Variants in RIMS1 observed in about 807,000 individuals in gnomAD.
RIMS1 encodes the protein regulating synaptic membrane exocytosis protein 1.
A neutral mutation model predicts 214.1 loss-of-function variants in RIMS1; 83 were observed. The ratio of observed to expected loss-of-function variants is 0.39; its 90% CI spans 0.32 to 0.47. The LOEUF is 0.47. Ranked by LOEUF, RIMS1 falls within the 20% of genes least tolerant of loss-of-function variation. RIMS1 has a pLI of 0.99. For missense variants in RIMS1, 2,050 were observed against 2,161.8 expected (o/e 0.95, Z 1.03); for synonymous variants, 793 against 786.8 (o/e 1.01, Z -0.13).
At chr6:72,331,774 G>A (rs565529203) in intron 28 of RIMS1, among the ~76,000 whole-genome samples, 1 of 151,902 alleles carries the variant, frequency 6.6e-6, no homozygotes, top group African/African-American at 2.4e-5. Flanking sequence ...TATCAGATTT[G>A]CAAATGACTT....
intron 1 of RIMS1, among the ~76,000 whole-genome samples, chr6:71,934,180 T>C (rs1163618153): frequency 2.0e-5 from 3 of 152,216 alleles, no homozygotes; most frequent in African/African-American, 7.2e-5. Flanking sequence ...AGCACTTTTA[T>C]ATCAGCTTGA....
chr6:72,298,135 A>G (rs1414888231), intron 26 of RIMS1, among the ~76,000 whole-genome samples: 3 of 151,974 alleles, frequency 2.0e-5, no homozygotes, highest in Non-Finnish European at 4.4e-5. Flanking sequence ...TAAGCAAACG[A>G]GGATGGTTGG....
intron 29 of RIMS1, among the ~76,000 whole-genome samples, chr6:72,374,305 G>T (rs1248852132): frequency 6.6e-6 from 1 of 152,180 alleles, no homozygotes; most frequent in African/African-American, 2.4e-5. Flanking sequence ...TTGGTCTTCA[G>T]ATACGCAACT....
intron 1 of RIMS1, among the ~76,000 whole-genome samples, chr6:71,906,848 A>G (rs1674375884): frequency 6.6e-6 from 1 of 152,200 alleles, no homozygotes; most frequent in Non-Finnish European, 1.5e-5. Context: ...ACATGTGGGC[A>G]ACATTAACAA....
At chr6:72,368,426 C>T (rs547084328) in intron 29 of RIMS1, among the ~76,000 whole-genome samples, 2 of 150,476 alleles carry the variant, frequency 1.3e-5, no homozygotes, top group South Asian at 2.1e-4. Flanking sequence ...CTCAGCCTCC[C>T]GAGTAGCTGG....
intron 1 of RIMS1, among the ~76,000 whole-genome samples, chr6:71,890,552 G>A (rs181403430): frequency 8.2e-6 from 1 of 122,600 alleles, no homozygotes; most frequent in Admixed American, 9.6e-5. Context: ...ATTAGATCTA[G>A]GATCTTACTC....
intron 29 of RIMS1, among the ~76,000 whole-genome samples, chr6:72,377,251 G>A (rs181643471): frequency 6.6e-6 from 1 of 152,238 alleles, no homozygotes; most frequent in East Asian, 1.9e-4. Flanking sequence ...CCTTGCGCAC[G>A]TGTTCAAGCT....
intron 4 of RIMS1, among the ~76,000 whole-genome samples, chr6:72,170,063 C>T (rs766043755): frequency 2.5e-4 from 38 of 152,200 alleles, no homozygotes; most frequent in Non-Finnish European, 4.1e-4. Flanking sequence ...ACGACCTGAA[C>T]CATCACTTAC....
At chr6:71,981,817 T>C (rs1009231431) in intron 2 of RIMS1, among the ~76,000 whole-genome samples, 1 of 152,244 alleles carries the variant, frequency 6.6e-6, no homozygotes, top group East Asian at 1.9e-4. Flanking sequence ...TTTTCATTTC[T>C]TTTGCCTTGT....
chr6:71,993,515 A>G lies in RIMS1; in HGVS notation c.245+24452A>G, dbSNP rs150684180. 2.2e-3 allele frequency among the ~76,000 whole-genome samples: 330 copies of G among 152,248 alleles called. 1 individual carries two copies. Among genetic ancestry groups the G allele is most frequent in the Middle Eastern group, 6.8e-3 (2 of 294 alleles). On this transcript the variant is annotated intron_variant, in intron 2 of 33. Coordinates refer to ENST00000521978, the MANE Select transcript of RIMS1 (RefSeq NM_014989.7). ...GCATCTTAAATTGGCCTAATTTTTAAATGGGAAGACTTCCTTGGTAGAAAT... is the reference window on the plus strand; with the variant it reads ...GCATCTTAAATTGGCCTAATTTTTAGATGGGAAGACTTCCTTGGTAGAAAT...
At chr6:72,288,539 C>T (rs1228949840) in intron 24 of RIMS1, among the ~76,000 whole-genome samples, 1 of 152,198 alleles carries the variant, frequency 6.6e-6, no homozygotes, top group African/African-American at 2.4e-5. Flanking sequence ...ACATTCTTAG[C>T]ACATCCCATT....
chr6:71,946,813 C>T (rs1275927237), intron 1 of RIMS1, among the ~76,000 whole-genome samples: 3 of 151,930 alleles, frequency 2.0e-5, no homozygotes, highest in Non-Finnish European at 4.4e-5. Flanking sequence ...TAAAAATCTT[C>T]TGCACAGCCA....
At chr6:72,110,231 C>T (rs1261673934) in intron 4 of RIMS1, among the ~76,000 whole-genome samples, 10 of 152,078 alleles carry the variant, frequency 6.6e-5, no homozygotes, top group Non-Finnish European at 1.3e-4. Context: ...TTTTCCAATT[C>T]TGTGAAGAAA....
chr6:72,118,422 C>T (rs2037523998), intron 4 of RIMS1, among the ~76,000 whole-genome samples: 1 of 151,246 alleles, frequency 6.6e-6, no homozygotes, highest in Non-Finnish European at 1.5e-5. Context: ...ACCAATATTA[C>T]CGAAACTATT....
intron 2 of RIMS1, among the ~76,000 whole-genome samples, chr6:72,007,813 C>T (rs374891790): frequency 5.9e-5 from 9 of 152,122 alleles, no homozygotes; most frequent in Admixed American, 1.3e-4. Context: ...CCAAGAAATA[C>T]GGGACTATGT....
In RIMS1 at chr6:72,182,888, C is replaced by G; in HGVS notation, c.1417C>G (p.Gln473Glu). Residue 473 changes from glutamine (Q) to glutamate (E), a missense_variant, in exon 6 of 34, where the codon CAG becomes GAG. Transcript: ENST00000521978. ...ELKAQEPLRKQSRLDPSSAVL... is the reference protein window; with the variant it reads ...ELKAQEPLRKESRLDPSSAVL... ...CAAAGCCCAGGAGCCCCTCAGGAAG[C>G]AGAGCCGCCTGGACCCCAGCTCGGC... is the stretch of plus-strand genomic sequence containing the variant. The G allele has an allele frequency of 6.4e-7, 1 of 1,569,126 alleles. No homozygotes were observed. Among genetic ancestry groups the G allele is most frequent in the South Asian group, 1.2e-5 (1 of 85,310 alleles).
intron 2 of RIMS1, among the ~76,000 whole-genome samples, chr6:72,084,216 A>G (rs1474932158): frequency 6.6e-6 from 1 of 152,202 alleles, no homozygotes; most frequent in Non-Finnish European, 1.5e-5. Context: ...TGCATGGAGT[A>G]TGATTAGACC....
intron 6 of RIMS1, among the ~76,000 whole-genome samples, chr6:72,194,451 T>TA (rs574102204): frequency 3.5e-4 from 53 of 152,154 alleles, no homozygotes; most frequent in African/African-American, 1.1e-3. Flanking sequence ...TTATGTTTGT[T>TA]AAAAAAAGGT....
chr6:72,242,456 A>C lies in RIMS1; in HGVS notation c.2081+19A>C. ...CTATTGGGTAAGGCTAAAAAAACTT[A>C]CTTCTTAAGTTTAGTAAATTACATG... On this transcript the variant is annotated intron_variant, in intron 10 of 33. Transcript: ENST00000521978. 1 of 1,516,476 alleles carries C rather than the reference A, an allele frequency of 6.6e-7. No homozygotes were observed. Among genetic ancestry groups the C allele is most frequent in the Admixed American group, 2.2e-5 (1 of 46,032 alleles). 93.9% of individuals were successfully genotyped at this position (1,516,476 alleles called of 1,614,324 possible). A position where few individuals can be genotyped will look rare whatever the true frequency, so the allele number is the denominator to read the frequency against.
Sources: gnomAD v4.1 joint callset for allele counts (sites outside exome capture counted in the v4.1 genomes callset) on GRCh38, gnomAD v4.1.1 for gene constraint, MANE v1.5 for transcripts, NCBI Gene and HGNC (gene_info 2026-07-23, HGNC 2026-07-21) for gene names.